Variants in JKAMP observed in about 807,000 individuals in gnomAD.
JKAMP encodes JNK1/MAPK8-associated membrane protein.
Under a neutral mutation model 40.2 loss-of-function variants are expected in JKAMP, and 20 were observed. The ratio of observed to expected loss-of-function variants is 0.50; its 90% CI spans 0.35 to 0.72. The LOEUF (loss-of-function observed/expected upper bound fraction) is 0.72, where lower values mean the gene tolerates loss of function less well. JKAMP is among the 30% of genes least tolerant of loss of function. The pLI, the probability that JKAMP is intolerant of heterozygous loss-of-function variation, is 0.01. For synonymous variants in JKAMP, 138 were observed against 131.6 expected, an observed-to-expected ratio of 1.05 and a Z score of -0.33; for missense variants, 276 against 373.0, an observed-to-expected ratio of 0.74 and a Z score of 2.14.
rs1484068596 is a variant in JKAMP, at chr14:59,498,929, C to A, written c.640+21C>A. On this transcript the variant is annotated intron_variant, in intron 5 of 6. Transcript: ENST00000616435. The stretch of plus-strand genomic sequence containing the variant: ...TTTATGTAAGTTTGATGGGTAAAGT[C>A]AATGAAATATATTTATTATTGTATG... 3 of 1,367,386 alleles carry A rather than the reference C, an allele frequency of 2.2e-6. No homozygotes were observed. The South Asian group carries it at 4.0e-5, about 18-fold the overall frequency. 84.7% of individuals were successfully genotyped at this position (1,367,386 alleles called of 1,614,324 possible).
At chr14:59,503,808 CT>C (rs1892137661) in intron 6 of JKAMP, 45 bp from the exon 7 acceptor site, 1 of 1,188,022 alleles carries the variant, frequency 8.4e-7, no homozygotes, top group African/African-American at 1.5e-5. Flanking sequence ...CTGACTTAGC[CT>C]GATAATCTGT....
In JKAMP at chr14:59,505,372, G is replaced by A. The variant is rs1009929388; in HGVS notation, c.*1300G>A. 1.8e-5 allele frequency: 16 copies of A among 893,138 alleles called. No homozygotes were observed. The highest frequency in any genetic ancestry group is 2.4e-5 in the Non-Finnish European group (15 of 618,926). 55.3% of individuals were successfully genotyped at this position (893,138 alleles called of 1,614,324 possible). A position where few individuals can be genotyped will look rare whatever the true frequency, so the allele number is the denominator to read the frequency against. ...TATTTGTATTGCACACATTTGGGGG[G>A]TTATTAGTGTTCATTAAAATTCTGA... On this transcript the variant is annotated 3_prime_UTR_variant, in exon 7 of 7. Transcript: ENST00000616435.
rs759227100 is a variant in JKAMP, at chr14:59,484,550, G to T, written c.-40G>T. 3.2e-6 allele frequency: 5 copies of T among 1,565,292 alleles called. No homozygotes were observed. Among genetic ancestry groups the T allele is most frequent in the Non-Finnish European group, 3.5e-6 (4 of 1,155,098 alleles). On this transcript the variant is annotated 5_prime_UTR_variant, in exon 1 of 7. Transcript: ENST00000616435. ...GATGTTCGGTGCAGCTGCCAGATCC[G>T]CTGATCTAGTGCTTCTCGAAAAAAA...
intron 3 of JKAMP, 64 bp downstream of exon 3, chr14:59,487,892 C>A: frequency 7.2e-7 from 1 of 1,396,796 alleles, no homozygotes; most frequent in Non-Finnish European, 1.0e-6. Context: ...ACTCAGAAGA[C>A]CTTATTAAGT....
intron 2 of JKAMP, 60 bp from the exon 3 acceptor site, chr14:59,487,614 G>T: frequency 8.0e-7 from 1 of 1,246,612 alleles, no homozygotes; most frequent in Non-Finnish European, 1.2e-6. Flanking sequence ...AATGATTTGG[G>T]GGGGTGTTAA....
chr14:59,493,293 T>C (rs1408102060), intron 3 of JKAMP, among the ~76,000 whole-genome samples: 1 of 152,214 alleles, frequency 6.6e-6, no homozygotes, highest in Non-Finnish European at 1.5e-5. Flanking sequence ...GGCACACCTG[T>C]TAACAGCCTT....
At chr14:59,502,926 G>T (rs1594955545) in intron 6 of JKAMP, among the ~76,000 whole-genome samples, 4 of 151,018 alleles carry the variant, frequency 2.6e-5, no homozygotes, top group Admixed American at 1.3e-4. Flanking sequence ...TAATTTTTGT[G>T]TTTTTAGTAG....
chr14:59,487,975 A>G, intron 3 of JKAMP, 147 bp downstream of exon 3: 1 of 793,786 alleles, frequency 1.3e-6, no homozygotes, highest in Non-Finnish European at 2.0e-6. Context: ...AACTGTGACA[A>G]GAAAACTTAA....
intron 1 of JKAMP, 108 bp from the exon 2 acceptor site, chr14:59,486,605 T>C: frequency 8.2e-6 from 6 of 732,938 alleles, no homozygotes; most frequent in Non-Finnish European, 1.4e-5. Context: ...TAATACATAT[T>C]ATTCAAAAAT....
chr14:59,494,810 TA>T (rs1891315502), intron 3 of JKAMP, among the ~76,000 whole-genome samples: 1 of 152,164 alleles, frequency 6.6e-6, no homozygotes, highest in Admixed American at 6.5e-5. Context: ...AGATGCAGGG[TA>T]GATATAATTT....
chr14:59,489,489 C>T (rs1040943248), intron 3 of JKAMP, among the ~76,000 whole-genome samples: 14 of 152,340 alleles, frequency 9.2e-5, no homozygotes, highest in African/African-American at 3.4e-4. Context: ...TTTCTGTCAG[C>T]ATTTTGGTCA....
In JKAMP at chr14:59,495,180, T is replaced by G; in HGVS notation, c.414T>G (p.Asp138Glu). 1 of 1,613,728 alleles carries G rather than the reference T, an allele frequency of 6.2e-7. No individual in the cohort carries two copies. The highest frequency in any genetic ancestry group is 8.5e-7 in the Non-Finnish European group (1 of 1,179,632). Residue 138 changes from aspartate (D) to glutamate (E), a missense_variant, in exon 4 of 7, where the codon GAT (aspartate) becomes GAG (glutamate). By Grantham distance (45) the Asp-to-Glu change is conservative. Coordinates refer to ENST00000616435, the MANE Select transcript of JKAMP (RefSeq NM_016475.5). ...CGATGCTTTACAACCCAAGTCCAGATTACGTTACCACAGTACACTGTACTC... is the reference window on the plus strand; with the variant it reads ...CGATGCTTTACAACCCAAGTCCAGAGTACGTTACCACAGTACACTGTACTC... ...WYTMLYNPSP[D>E]YVTTVHCTHE...
In JKAMP at chr14:59,484,626, C is replaced by A. The variant is rs1890363527; in HGVS notation, c.4+33C>A. 3 of 1,574,848 alleles carry A rather than the reference C, an allele frequency of 1.9e-6. No homozygotes were observed. The East Asian group carries it at 7.1e-5, about 37-fold the overall frequency. On this transcript the variant is annotated intron_variant, in intron 1 of 6. Coordinates refer to ENST00000616435, the MANE Select transcript of JKAMP (RefSeq NM_016475.5). The stretch of plus-strand genomic sequence containing the variant: ...GTCGCCAAGATCCCGGGAAGCGTTT[C>A]TGGTAGTCCCGACTACTTTCCTACA...
Position 59,503,926 on chromosome 14 carries a change from G to A in JKAMP, c.790G>A (p.Gly264Arg), listed in dbSNP as rs1892152036. The A allele has an allele frequency of 6.2e-7, 1 of 1,613,568 alleles. No homozygotes were observed. Among genetic ancestry groups the A allele is most frequent in the Admixed American group, 1.7e-5 (1 of 59,984 alleles). Residue 264 changes from glycine (G) to arginine (R), a missense_variant, in exon 7 of 7, where the codon GGA becomes AGA. Transcript: ENST00000616435. ...LFSHWLLHAY[G>R]IISISRVDKL... ...CAGCCACTGGTTACTTCATGCCTAT[G>A]GAATAATCTCCATTTCCAGAGTGGA...
intron 1 of JKAMP, chr14:59,484,816 C>A: frequency 1.1e-6 from 1 of 936,206 alleles, no homozygotes; most frequent in Non-Finnish European, 1.6e-6. Flanking sequence ...GGCGAAATGC[C>A]AGGTCTTTGT....
At chr14:59,495,319 G>A in intron 4 of JKAMP, 95 bp downstream of exon 4, 2 of 918,482 alleles carry the variant, frequency 2.2e-6, no homozygotes, top group Non-Finnish European at 1.7e-6. Context: ...AACAGGTGTG[G>A]GTTTGAGTTC....
In JKAMP at chr14:59,505,331, AT is replaced by A. The variant is rs1892280234; in HGVS notation, c.*1260del. 7.2e-7 allele frequency: 1 copy of A among 1,394,016 alleles called. No individual in the cohort carries two copies. Among genetic ancestry groups the A allele is most frequent in the African/African-American group, 1.4e-5 (1 of 69,030 alleles). 86.4% of individuals were successfully genotyped at this position (1,394,016 alleles called of 1,614,324 possible). A position where few individuals can be genotyped will look rare whatever the true frequency, so the allele number is the denominator to read the frequency against. On this transcript the variant is annotated 3_prime_UTR_variant, in exon 7 of 7. Coordinates refer to ENST00000616435, the MANE Select transcript of JKAMP (RefSeq NM_016475.5). ...TTCTTCTTCTCTGTAGGAATAAAAA[AT>A]AAATATAAAAATTTTATTTGTATTG...
intron 3 of JKAMP, among the ~76,000 whole-genome samples, chr14:59,490,736 T>C (rs1409988092): frequency 6.6e-6 from 1 of 152,218 alleles, no homozygotes; most frequent in Non-Finnish European, 1.5e-5. Context: ...CAGTTTTTAA[T>C]TTCTGTTATA....
intron 4 of JKAMP, among the ~76,000 whole-genome samples, chr14:59,496,607 C>T (rs953756209): frequency 5.9e-5 from 9 of 152,152 alleles, no homozygotes; most frequent in Non-Finnish European, 1.2e-4. Context: ...CCCTCATCTG[C>T]ACCTGTAATA....
Sources: allele counts gnomAD v4.1 joint callset (sites outside exome capture counted in the v4.1 genomes callset), GRCh38; gene constraint gnomAD v4.1.1; transcripts MANE v1.5; gene names NCBI Gene and HGNC (gene_info 2026-07-23, HGNC 2026-07-21).